The following DNAJB6 variants were observed in gnomAD, a reference collection of about 807,000 sequenced individuals.
DNAJB6 encodes the protein DnaJ heat shock protein family (Hsp40) member B6, also known as dnaJ homolog subfamily B member 6.
A neutral mutation model predicts 42.7 loss-of-function variants in DNAJB6; 16 were observed. That is an observed-to-expected ratio of 0.37 (90% CI 0.25 to 0.57). DNAJB6 has a LOEUF of 0.57. Ranked by LOEUF, DNAJB6 falls within the 20% of genes least tolerant of loss-of-function variation. The probability of loss-of-function intolerance (pLI) is 0.74; values close to 1 mark genes in which losing one functional copy is unlikely to be tolerated. For missense variants in DNAJB6, 347 were observed against 416.8 expected, an observed-to-expected ratio of 0.83 and a Z score of 1.46; for synonymous variants, 170 against 163.5, an observed-to-expected ratio of 1.04 and a Z score of -0.30.
chr7:157,352,336 A>G (rs539788116), intron 1 of DNAJB6, among the ~76,000 whole-genome samples: 67 of 151,890 alleles, frequency 4.4e-4, no homozygotes, highest in Middle Eastern at 3.4e-3. Context: ...ATATATACAT[A>G]TATATGTATA....
intron 5 of DNAJB6, among the ~76,000 whole-genome samples, chr7:157,377,823 AC>A (rs982277312): frequency 6.6e-6 from 1 of 152,198 alleles, no homozygotes; most frequent in African/African-American, 2.4e-5. Context: ...TCAACTTGGC[AC>A]CCATATGCAT....
chr7:157,408,363 T>G (rs758930), intron 8 of DNAJB6, among the ~76,000 whole-genome samples: 84,434 of 152,134 alleles, frequency 0.55, 25,499 homozygotes, highest in Admixed American at 0.71. Flanking sequence ...GGCCTGCGCC[T>G]CCTCTTGGGT....
intron 3 of DNAJB6, among the ~76,000 whole-genome samples, chr7:157,363,589 C>T (rs958152477): frequency 6.6e-6 from 1 of 152,134 alleles, no homozygotes; most frequent in African/African-American, 2.4e-5. Flanking sequence ...GTGCATGTGG[C>T]GTGCTTGCCC....
chr7:157,369,220 T>G (rs1799992257), intron 5 of DNAJB6: 1 of 453,684 alleles, frequency 2.2e-6, no homozygotes, highest in Non-Finnish European at 4.4e-6. Context: ...GAAAGAACCA[T>G]GTTTACATCC....
chr7:157,388,246 C>A (rs868152496), intron 8 of DNAJB6, among the ~76,000 whole-genome samples: 12 of 152,132 alleles, frequency 7.9e-5, no homozygotes, highest in Non-Finnish European at 1.6e-4. Flanking sequence ...AATCTTACAC[C>A]TTTCATTTTT....
intron 3 of DNAJB6, among the ~76,000 whole-genome samples, chr7:157,365,816 C>T (rs991776721): frequency 6.6e-5 from 10 of 152,146 alleles, no homozygotes; most frequent in Non-Finnish European, 1.3e-4. Context: ...AGGCATGCGC[C>T]ACCATGCCTG....
chr7:157,364,791 T>C (rs957151182), intron 3 of DNAJB6, among the ~76,000 whole-genome samples: 7 of 152,162 alleles, frequency 4.6e-5, no homozygotes, highest in Non-Finnish European at 8.8e-5. Context: ...GGGAGGTGTA[T>C]GAGGTGTGTT....
intron 8 of DNAJB6, among the ~76,000 whole-genome samples, chr7:157,390,983 C>T (rs1019925336): frequency 2.6e-5 from 4 of 152,116 alleles, no homozygotes; most frequent in Non-Finnish European, 5.9e-5. Flanking sequence ...TACAGGTGTG[C>T]GACACAACGC....
At chr7:157,369,117 C>T (rs138533369) in intron 5 of DNAJB6, 29 of 368,740 alleles carry the variant, frequency 7.9e-5, no homozygotes, top group African/African-American at 4.3e-4. Context: ...GCTGAGCAGG[C>T]GATTTCCGAT....
At chr7:157,372,719 G>T (rs1372311339) in intron 5 of DNAJB6, among the ~76,000 whole-genome samples, 1 of 152,086 alleles carries the variant, frequency 6.6e-6, no homozygotes, top group African/African-American at 2.4e-5. Context: ...AGTTTGATCC[G>T]TACCACAAAC....
chr7:157,364,059 T>A (rs1053901248), intron 3 of DNAJB6, among the ~76,000 whole-genome samples: 11 of 152,118 alleles, frequency 7.2e-5, no homozygotes, highest in African/African-American at 2.7e-4. Context: ...GTTAAGTGTA[T>A]CTGCATGTGG....
intron 5 of DNAJB6, among the ~76,000 whole-genome samples, chr7:157,369,646 C>G (rs1045530016): frequency 2.0e-5 from 3 of 149,014 alleles, no homozygotes; most frequent in African/African-American, 7.8e-5. Flanking sequence ...CCTTTCTTCA[C>G]ATTATTATTA....
At chr7:157,378,506 C>CGCGCTGTATGGTTGTGCGTTGTAGCGT (rs1435533988) in intron 5 of DNAJB6, 2 of 152,236 alleles carry the variant, frequency 1.3e-5, no homozygotes, top group Admixed American at 6.5e-5. Flanking sequence ...CATTGTAGCA[C>CGCGCTGTATGGTTGTGCGTTGTAGCGT]GCGCTGTATG....
intron 8 of DNAJB6, among the ~76,000 whole-genome samples, chr7:157,401,679 G>A (rs1050065703): frequency 2.0e-5 from 3 of 152,334 alleles, no homozygotes; most frequent in African/African-American, 7.2e-5. Flanking sequence ...GTGTAAAAAT[G>A]TGTCAAGGTG....
intron 8 of DNAJB6, among the ~76,000 whole-genome samples, chr7:157,401,482 A>AT (rs1481245041): frequency 1.3e-5 from 2 of 152,238 alleles, no homozygotes; most frequent in African/African-American, 4.8e-5. Context: ...AAGTGCTGGC[A>AT]TTACAGGCAT....
intron 1 of DNAJB6, among the ~76,000 whole-genome samples, chr7:157,347,789 AGTTT>A (rs981868663): frequency 6.6e-5 from 10 of 152,116 alleles, no homozygotes; most frequent in South Asian, 2.1e-4. Flanking sequence ...GGTTATAAGA[AGTTT>A]GTTTATTTAT....
chr7:157,367,413 A>G lies in DNAJB6; in HGVS notation c.276A>G (p.Thr92=), dbSNP rs765815570. The change falls in exon 5 of 10, where the codon ACA becomes ACG. Residue 92 remains threonine, a synonymous_variant. Transcript: ENST00000262177. Reference sequence around the variant, plus strand: ...ACAGTCCATTTGAATTTGGCTTCACATTCCGTAACCCAGATGATGTCTTCA... The same window carrying G: ...ACAGTCCATTTGAATTTGGCTTCACGTTCCGTAACCCAGATGATGTCTTCA... ...HFDSPFEFGF[T]FRNPDDVFRE... is the part of the protein sequence containing the mutation. The G allele has an allele frequency of 2.8e-5, 45 of 1,613,670 alleles. No homozygotes were observed. The highest frequency in any genetic ancestry group is 3.7e-5 in the Non-Finnish European group (44 of 1,179,646).
intron 2 of DNAJB6, among the ~76,000 whole-genome samples, chr7:157,360,231 GAC>G (rs199716246): frequency 0.019 from 2,871 of 152,260 alleles, 33 homozygotes; most frequent in Non-Finnish European, 0.031. Context: ...CTTACATGGC[GAC>G]AGCAAGAGAA....
intron 1 of DNAJB6, among the ~76,000 whole-genome samples, chr7:157,341,643 T>A (rs953425743): frequency 6.6e-6 from 1 of 152,218 alleles, no homozygotes; most frequent in African/African-American, 2.4e-5. Flanking sequence ...TATTCCTCTC[T>A]GCCACCTTGA....
Sources: allele counts gnomAD v4.1 joint callset (sites outside exome capture counted in the v4.1 genomes callset), GRCh38; gene constraint gnomAD v4.1.1; transcripts MANE v1.5; gene names NCBI Gene and HGNC (gene_info 2026-07-23, HGNC 2026-07-21).